MTHFD1: variants seen among roughly 807,000 people sequenced by gnomAD.
MTHFD1 encodes the protein C-1-tetrahydrofolate synthase, cytoplasmic.
MTHFD1 carries 44 observed loss-of-function variants against 110.3 expected under a neutral mutation model. The ratio of observed to expected loss-of-function variants is 0.40; its 90% CI spans 0.31 to 0.51. The LOEUF (loss-of-function observed/expected upper bound fraction) is 0.51. Ranked by LOEUF, MTHFD1 falls within the 20% of genes least tolerant of loss-of-function variation. MTHFD1 has a pLI of 0.60. For missense variants in MTHFD1, 909 were observed against 1,173.1 expected, an observed-to-expected ratio of 0.77 and a Z score of 3.29; for synonymous variants, 402 against 428.8, an observed-to-expected ratio of 0.94 and a Z score of 0.77.
chr14:64,400,960 C>CT (rs889517074), intron 2 of MTHFD1, 83 bp downstream of exon 2: 860 of 1,014,872 alleles, frequency 8.5e-4, no homozygotes, highest in Non-Finnish European at 1.0e-3. Context: ...TACTTTCCTC[C>CT]TTTTTTTTTG....
chr14:64,411,147 G>A lies in MTHFD1; in HGVS notation c.184G>A (p.Glu62Lys). 6.2e-7 allele frequency: 1 copy of A among 1,612,156 alleles called. No individual in the cohort carries two copies. The highest frequency in any genetic ancestry group is 1.1e-5 in the South Asian group (1 of 91,058). Residue 62 changes from glutamate (E) to lysine (K), a missense_variant and splice_region_variant, in exon 3 of 28, where the codon GAG becomes AAG. Around this residue, in one of 3 missense-constraint regions of MTHFD1, gnomAD observed 424 missense variants for 510.4 expected, o/e 0.83. Transcript: ENST00000652337. ...YINVKLKAAE[E>K]IGIKATHIKL... ...AAATGTGAAGCTGAAGGCTGCTGAA[G>A]AGGTAACGCCAGAAGAGCTGTGCCA...
chr14:64,388,408 G>A lies in MTHFD1; in HGVS notation c.-20G>A. On this transcript the variant is annotated 5_prime_UTR_variant, in exon 1 of 28. Transcript: ENST00000652337. ...TCGATATTGGTGGTGTCCATCGTGG[G>A]CAGCGGACTAATAAAGGCCATGGCG... 2 of 1,614,214 alleles carry A rather than the reference G, an allele frequency of 1.2e-6. No individual in the cohort carries two copies. The highest frequency in any genetic ancestry group is 1.7e-6 in the Non-Finnish European group (2 of 1,180,040).
At chr14:64,401,466 G>A (rs2077896176) in intron 2 of MTHFD1, among the ~76,000 whole-genome samples, 1 of 152,178 alleles carries the variant, frequency 6.6e-6, no homozygotes, top group Non-Finnish European at 1.5e-5. Flanking sequence ...ACTTTGGGAG[G>A]CCGAGGTGGG....
rs570912460 is a variant in MTHFD1, at chr14:64,445,468, G to T, written c.2178+734G>T. On this transcript the variant is annotated intron_variant, in intron 22 of 27. Transcript: ENST00000652337. ...AGAAACATCTCTAAAGCCAGTTTGGGGTGGTTACAGGAAAGACAGGCCATC... is the reference window on the plus strand; with the variant it reads ...AGAAACATCTCTAAAGCCAGTTTGGTGTGGTTACAGGAAAGACAGGCCATC... Among the ~76,000 whole-genome samples the T allele has an allele frequency of 1.2e-4, 18 of 152,260 alleles. 1 individual carries two copies. In the South Asian group the frequency reaches 3.7e-3, roughly 32 times the overall value.
intron 19 of MTHFD1, 76 bp from the exon 20 acceptor site, chr14:64,441,978 T>C: frequency 2.1e-6 from 2 of 954,986 alleles, no homozygotes; most frequent in Non-Finnish European, 3.4e-6. Context: ...TCCAAATCAA[T>C]TCCATACCGT....
chr14:64,411,279 T>A, intron 3 of MTHFD1, 130 bp downstream of exon 3: 1 of 732,552 alleles, frequency 1.4e-6, no homozygotes, highest in Non-Finnish European at 2.4e-6. Flanking sequence ...TTATCTATTT[T>A]GTAAGTCAGA....
At chr14:64,443,724 A>C (rs2078266271) in intron 21 of MTHFD1, among the ~76,000 whole-genome samples, 1 of 152,120 alleles carries the variant, frequency 6.6e-6, no homozygotes, top group Admixed American at 6.5e-5. Flanking sequence ...GTCACAACTA[A>C]CATTCCTCTC....
At chr14:64,459,609 T>C (rs2078529992) in intron 27 of MTHFD1, 150 bp from the exon 28 acceptor site, 2 of 658,950 alleles carry the variant, frequency 3.0e-6, no homozygotes, top group Non-Finnish European at 2.6e-6. Flanking sequence ...AGTCCATTTA[T>C]GGACACGCCC....
chr14:64,421,139 C>A (rs186077741), intron 8 of MTHFD1, among the ~76,000 whole-genome samples: 164 of 152,232 alleles, frequency 1.1e-3, no homozygotes, highest in African/African-American at 3.9e-3. Flanking sequence ...TTGATTTCCC[C>A]TTATCAAGGG....
In MTHFD1 at chr14:64,388,479, G is replaced by T. The variant is rs768458596; in HGVS notation, c.41+11G>T. On this transcript the variant is annotated intron_variant, in intron 1 of 27. Transcript: ENST00000652337. Reference sequence around the variant, plus strand: ...GAAGGAGATCTCCGCGTAAGCACCTGACATTGTTGTTGAGTGTGGGGCTGT... The same window carrying T: ...GAAGGAGATCTCCGCGTAAGCACCTTACATTGTTGTTGAGTGTGGGGCTGT... The T allele has an allele frequency of 6.2e-7, 1 of 1,612,890 alleles. No homozygotes were observed. Among genetic ancestry groups the T allele is most frequent in the East Asian group, 2.2e-5 (1 of 44,888 alleles).
At chr14:64,428,668 C>G (rs2078136475) in intron 12 of MTHFD1, among the ~76,000 whole-genome samples, 1 of 151,192 alleles carries the variant, frequency 6.6e-6, no homozygotes, top group Non-Finnish European at 1.5e-5. Flanking sequence ...ATTCTCCTGC[C>G]TCAGCCTCCC....
At chr14:64,392,353 C>A (rs1342344798) in intron 1 of MTHFD1, among the ~76,000 whole-genome samples, 2 of 152,108 alleles carry the variant, frequency 1.3e-5, no homozygotes, top group Non-Finnish European at 2.9e-5. Flanking sequence ...GGAAGACCCA[C>A]CTTGCTTTGT....
chr14:64,432,531 T>C (rs1273822890), intron 15 of MTHFD1, among the ~76,000 whole-genome samples: 2 of 152,202 alleles, frequency 1.3e-5, no homozygotes, highest in Non-Finnish European at 2.9e-5. Flanking sequence ...CCAATAAAAA[T>C]AAATGAGCTA....
intron 1 of MTHFD1, among the ~76,000 whole-genome samples, chr14:64,398,114 C>G (rs2077871439): frequency 1.3e-5 from 2 of 151,954 alleles, no homozygotes; most frequent in South Asian, 4.1e-4. Flanking sequence ...ATTCCCTGTT[C>G]CCTTGTCTCA....
chr14:64,425,933 G>A, intron 10 of MTHFD1, 86 bp from the exon 11 acceptor site: 2 of 1,582,642 alleles, frequency 1.3e-6, no homozygotes, highest in Non-Finnish European at 1.7e-6. Context: ...TTCAGTGGTT[G>A]GGGTTGGGTT....
chr14:64,431,668 T>C (rs765270699), intron 14 of MTHFD1, 29 bp downstream of exon 14: 22 of 1,606,322 alleles, frequency 1.4e-5, no homozygotes, highest in Non-Finnish European at 1.6e-5. Context: ...ATGAACCCCA[T>C]TGAACAGTTT....
intron 6 of MTHFD1, among the ~76,000 whole-genome samples, chr14:64,416,030 G>A (rs1278212367): frequency 6.6e-6 from 1 of 152,144 alleles, no homozygotes; most frequent in Non-Finnish European, 1.5e-5. Flanking sequence ...ATCACCTGAG[G>A]TCAGGAATTC....
At chr14:64,411,246 T>A in intron 3 of MTHFD1, 97 bp downstream of exon 3, 1 of 857,666 alleles carries the variant, frequency 1.2e-6, no homozygotes, top group Non-Finnish European at 2.0e-6. Flanking sequence ...TGAAAACTTT[T>A]ATCACCCACA....
At chr14:64,445,090 G>A in intron 22 of MTHFD1, 1 of 364,540 alleles carries the variant, frequency 2.7e-6, no homozygotes, top group South Asian at 2.2e-5. Context: ...AACTGGGGAT[G>A]CTGGCTAAAC....
Sources: gnomAD v4.1 joint callset for allele counts (sites outside exome capture counted in the v4.1 genomes callset) on GRCh38, gnomAD v4.1.1 for gene constraint, gnomAD v4.1.1 regional missense constraint, MANE v1.5 for transcripts, NCBI Gene and HGNC (gene_info 2026-07-23, HGNC 2026-07-21) for gene names.